Variants in IL22RA2 observed in about 807,000 individuals in gnomAD.
IL22RA2 encodes the protein interleukin-22 receptor subunit alpha-2.
Under a neutral mutation model 30.7 loss-of-function variants are expected in IL22RA2, and 39 were observed. The ratio of observed to expected loss-of-function variants is 1.27; its 90% CI spans 0.98 to 1.66. IL22RA2 has a LOEUF of 1.66. IL22RA2 is among the 40% of genes most tolerant of loss of function. The pLI, the probability that IL22RA2 is intolerant of heterozygous loss-of-function variation, is 0.00. For synonymous variants in IL22RA2, 103 were observed against 105.0 expected (o/e 0.98, Z 0.11); for missense variants, 315 against 312.7 (o/e 1.01, Z -0.05).
In IL22RA2 at chr6:137,145,198, A is replaced by G. The variant is rs1778151766; in HGVS notation, c.*426T>C. On this transcript the variant is annotated 3_prime_UTR_variant, in exon 7 of 7. Transcript: ENST00000296980. ...GCAATGTCAATTTAATTGGCTCAAT[A>G]AGAGAGTGAAAAACCATTGCTTCAG... 1 of 152,490 alleles carries G rather than the reference A, an allele frequency of 6.6e-6. No individual in the cohort carries two copies. Among genetic ancestry groups the G allele is most frequent in the Non-Finnish European group, 1.5e-5 (1 of 68,288 alleles). 9.4% of individuals were successfully genotyped at this position (152,490 alleles called of 1,614,324 possible).
intron 5 of IL22RA2, among the ~76,000 whole-genome samples, chr6:137,150,457 T>TTTTTC (rs1236077001): frequency 3.3e-5 from 5 of 151,588 alleles, no homozygotes; most frequent in East Asian, 3.9e-4. Context: ...GTCTAAAGCT[T>TTTTTC]TTTTCTTTTC....
At chr6:137,160,173 A>G (rs980448467) in intron 2 of IL22RA2, among the ~76,000 whole-genome samples, 19 of 152,204 alleles carry the variant, frequency 1.2e-4, no homozygotes, top group African/African-American at 4.6e-4. Context: ...CCTGCCTAGA[A>G]TTGATTTGCT....
At chr6:137,166,112 C>T (rs980238553) in intron 1 of IL22RA2, among the ~76,000 whole-genome samples, 1 of 152,160 alleles carries the variant, frequency 6.6e-6, no homozygotes, top group South Asian at 2.1e-4. Flanking sequence ...CTTAAAAGAC[C>T]CACATGTTAA....
intron 2 of IL22RA2, among the ~76,000 whole-genome samples, chr6:137,159,580 C>T (rs1454842837): frequency 2.0e-5 from 3 of 152,166 alleles, no homozygotes; most frequent in Non-Finnish European, 4.4e-5. Flanking sequence ...ACCTCGGCCT[C>T]CCAAAGTGCT....
At chr6:137,157,057 GCCCTACTT>G (rs1179178036) in intron 3 of IL22RA2, among the ~76,000 whole-genome samples, 1 of 152,058 alleles carries the variant, frequency 6.6e-6, no homozygotes, top group Non-Finnish European at 1.5e-5. Context: ...CTCCTACGAG[GCCCTACTT>G]CCAACACCAC....
chr6:137,155,700 C>T (rs1054643850), intron 4 of IL22RA2, among the ~76,000 whole-genome samples: 2 of 152,056 alleles, frequency 1.3e-5, no homozygotes, highest in African/African-American at 2.4e-5. Context: ...ATCAGGTTTC[C>T]AACACATGAA....
At chr6:137,157,018 T>C (rs1275188012) in intron 3 of IL22RA2, among the ~76,000 whole-genome samples, 164 bp from the exon 4 acceptor site, 1 of 152,186 alleles carries the variant, frequency 6.6e-6, no homozygotes, top group Non-Finnish European at 1.5e-5. Context: ...AAGCCATTCA[T>C]GAGTGCTCCA....
At position 137,148,270 on chromosome 6, in the gene IL22RA2, G is replaced by A. The variant is rs112981931; in HGVS notation, c.473-379C>T. ...GGTTTTGGGTTTTTTTTTGAGACAGGATCTCATTATGTTGCCCAGGCTGGG... is the reference window on the plus strand; with the variant it reads ...GGTTTTGGGTTTTTTTTTGAGACAGAATCTCATTATGTTGCCCAGGCTGGG... On this transcript the variant is annotated intron_variant, in intron 5 of 6. Transcript: ENST00000296980. Among the ~76,000 whole-genome samples the A allele has an allele frequency of 9.2e-3, 1,404 of 151,928 alleles. 17 individuals carry two copies. The highest frequency in any genetic ancestry group is 0.031 in the African/African-American group (1,296 of 41,380).
chr6:137,170,272 A>T (rs1029622427), intron 1 of IL22RA2, among the ~76,000 whole-genome samples: 1 of 152,212 alleles, frequency 6.6e-6, no homozygotes, highest in African/African-American at 2.4e-5. Flanking sequence ...GAATTAATGA[A>T]ATCAACTATA....
At chr6:137,157,724 G>T (rs1191772411) in intron 3 of IL22RA2, among the ~76,000 whole-genome samples, 1 of 146,524 alleles carries the variant, frequency 6.8e-6, no homozygotes. Context: ...ACATTTTCAA[G>T]TCAAGAGTGT....
intron 2 of IL22RA2, among the ~76,000 whole-genome samples, chr6:137,160,394 C>T (rs758651422): frequency 1.4e-4 from 22 of 152,164 alleles, no homozygotes; most frequent in Non-Finnish European, 2.4e-4. Flanking sequence ...ACTGAAAAAA[C>T]GAAGCCTTGG....
intron 1 of IL22RA2, among the ~76,000 whole-genome samples, chr6:137,162,670 T>C (rs1225835958): frequency 1.3e-5 from 2 of 152,084 alleles, no homozygotes; most frequent in Admixed American, 1.3e-4. Context: ...AAATTATACA[T>C]GAAAGAACAA....
chr6:137,157,288 C>T (rs540914544), intron 3 of IL22RA2, among the ~76,000 whole-genome samples: 36 of 152,266 alleles, frequency 2.4e-4, no homozygotes, highest in Admixed American at 2.3e-3. Context: ...ATTTATACTA[C>T]TCCAGGGGAA....
At chr6:137,160,293 G>T (rs1778496527) in intron 2 of IL22RA2, among the ~76,000 whole-genome samples, 2 of 152,198 alleles carry the variant, frequency 1.3e-5, no homozygotes, top group Admixed American at 1.3e-4. Context: ...ACTGCACCAG[G>T]CACTGAGGGA....
At chr6:137,146,971 G>A (rs1430179891) in intron 6 of IL22RA2, among the ~76,000 whole-genome samples, 4 of 151,880 alleles carry the variant, frequency 2.6e-5, no homozygotes, top group African/African-American at 9.7e-5. Context: ...ACCCCAGCCT[G>A]GGTGACAGAG....
intron 1 of IL22RA2, among the ~76,000 whole-genome samples, chr6:137,166,587 C>G (rs1259857690): frequency 6.6e-6 from 1 of 152,102 alleles, no homozygotes; most frequent in Non-Finnish European, 1.5e-5. Context: ...CCTTACCATG[C>G]CCTTATTGGA....
chr6:137,149,984 C>G (rs1389713209), intron 5 of IL22RA2, among the ~76,000 whole-genome samples: 2 of 152,184 alleles, frequency 1.3e-5, no homozygotes, highest in Admixed American at 1.3e-4. Context: ...CTGGCCTTCA[C>G]ATCTATTTTT....
At chr6:137,150,321 G>A (rs149963182) in intron 5 of IL22RA2, among the ~76,000 whole-genome samples, 3 of 152,168 alleles carry the variant, frequency 2.0e-5, no homozygotes, top group Admixed American at 6.5e-5. Context: ...GCAAGCCTGG[G>A]GGTGAGGAGG....
At chr6:137,154,267 A>G (rs147985565) in intron 5 of IL22RA2, among the ~76,000 whole-genome samples, 48 of 152,238 alleles carry the variant, frequency 3.2e-4, no homozygotes, top group African/African-American at 1.1e-3. Flanking sequence ...CATGAACTTA[A>G]CCCTCGTGTT....
Sources: allele counts gnomAD v4.1 joint callset (sites outside exome capture counted in the v4.1 genomes callset), GRCh38; gene constraint gnomAD v4.1.1; transcripts MANE v1.5; gene names NCBI Gene and HGNC (gene_info 2026-07-23, HGNC 2026-07-21).